AAK1: variants seen among roughly 807,000 people sequenced by gnomAD.
The protein encoded by AAK1 is AP2 associated kinase 1.
In AAK1, 37 loss-of-function variants were observed where a neutral mutation model predicts 116.0. The observed-to-expected ratio is 0.32, with a 90% confidence interval of 0.25 to 0.42. The LOEUF is 0.42. Among genes scored for constraint, AAK1 ranks in the 10% least tolerant of loss-of-function variants. The pLI, the probability that AAK1 is intolerant of heterozygous loss-of-function variation, is 1.00. For missense variants in AAK1, 919 were observed against 1,170.6 expected (o/e 0.79, Z 3.14); for synonymous variants, 458 against 439.9 (o/e 1.04, Z -0.51).
In AAK1 at chr2:69,470,951, C is replaced by A. The variant is rs1328462360; in HGVS notation, c.*4918G>T. On this transcript the variant is annotated 3_prime_UTR_variant, in exon 22 of 22. Transcript: ENST00000409085. ...TGAACAGATAAAAGTCTTTATTCCC[C>A]TGTATGTTTACATAAGAAAGTTCTT... is the stretch of plus-strand genomic sequence containing the variant. The A allele has an allele frequency of 1.0e-6, 1 of 985,722 alleles. No homozygotes were observed. Among genetic ancestry groups the A allele is most frequent in the African/African-American group, 1.7e-5 (1 of 57,232 alleles). The allele number at this position is 985,722 out of a possible 1,614,324, so 61.1% of individuals were successfully genotyped here. A position where few individuals can be genotyped will look rare whatever the true frequency, so the allele number is the denominator to read the frequency against.
rs200576219 is a variant in AAK1, at chr2:69,514,371, T to C, written c.1776+100A>G. 3,940 of 1,426,350 alleles carry C rather than the reference T, an allele frequency of 2.8e-3. 6 individuals carry two copies. The highest frequency in any genetic ancestry group is 3.4e-3 in the Non-Finnish European group (3,713 of 1,084,024). The allele number at this position is 1,426,350 out of a possible 1,614,324, so 88.4% of individuals were successfully genotyped here. The stretch of plus-strand genomic sequence containing the variant: ...GAACCACCCAGGTGGGAAAGCAACC[T>C]GGACCCTCATCAGCTGCTGCCATCT... On this transcript the variant is annotated intron_variant, in intron 13 of 21. Coordinates refer to ENST00000409085, the MANE Select transcript of AAK1 (RefSeq NM_014911.5).
At chr2:69,577,983 T>C (rs1050822607) in intron 2 of AAK1, among the ~76,000 whole-genome samples, 1 of 152,244 alleles carries the variant, frequency 6.6e-6, no homozygotes, top group Non-Finnish European at 1.5e-5. Context: ...CAACATGATC[T>C]GAGGTGGAAG....
Position 69,468,181 on chromosome 2 carries a change from CATCA to C in AAK1, c.*7684_*7687del. ...GTGCAGCTACATGGTGATACGAAAG[CATCA>C]GTCAGTGGACAGGAAATAAACAGAA... On this transcript the variant is annotated 3_prime_UTR_variant, in exon 22 of 22. Coordinates refer to ENST00000409085, the MANE Select transcript of AAK1 (RefSeq NM_014911.5). 1 of 985,382 alleles carries C rather than the reference CATCA, an allele frequency of 1.0e-6. No homozygotes were observed. Among genetic ancestry groups the C allele is most frequent in the Non-Finnish European group, 1.2e-6 (1 of 829,910 alleles). 61.0% of individuals were successfully genotyped at this position (985,382 alleles called of 1,614,324 possible).
At chr2:69,480,756 T>C in intron 19 of AAK1, 104 bp downstream of exon 19, 2 of 910,954 alleles carry the variant, frequency 2.2e-6, no homozygotes, top group Admixed American at 2.9e-5. Context: ...AGGAACTACC[T>C]GGGCTTCAAA....
Position 69,469,322 on chromosome 2 carries a change from G to A in AAK1, c.*6547C>T, listed in dbSNP as rs902156713. 3.1e-5 allele frequency: 31 copies of A among 985,300 alleles called. No individual in the cohort carries two copies. The highest frequency in any genetic ancestry group is 2.3e-4 in the South Asian group (5 of 21,288). 61.0% of individuals were successfully genotyped at this position (985,300 alleles called of 1,614,324 possible). ...TGGCAGCACCAGAAACAAGGTAGTCGAGAGAAGGATAAATTCCAAATATAC... is the reference window on the plus strand; with the variant it reads ...TGGCAGCACCAGAAACAAGGTAGTCAAGAGAAGGATAAATTCCAAATATAC... On this transcript the variant is annotated 3_prime_UTR_variant, in exon 22 of 22. Transcript: ENST00000409085.
Position 69,479,062 on chromosome 2 carries a change from C to T in AAK1, c.2570-1G>A, listed in dbSNP as rs1251902975. 1 of 1,603,702 alleles carries T rather than the reference C, an allele frequency of 6.2e-7. No homozygotes were observed. Among genetic ancestry groups the T allele is most frequent in the East Asian group, 2.2e-5 (1 of 44,820 alleles). On this transcript the variant is annotated splice_acceptor_variant, in intron 19 of 21. Coordinates refer to ENST00000409085, the MANE Select transcript of AAK1 (RefSeq NM_014911.5). LOFTEE classifies it high-confidence loss of function. The stretch of plus-strand genomic sequence containing the variant: ...AGGGAATCTTCCCCGGTGAGAGAAT[C>T]TGAGTCCAGATTAACAGCATCCCAG...
At position 69,468,094 on chromosome 2, in the gene AAK1, T is replaced by C. The variant is rs1160639228; in HGVS notation, c.*7775A>G. ...TACTGGTGCCAAATGGCTTTCAGAA[T>C]AGTATTTGAAGAATAAGATTTTGAA... On this transcript the variant is annotated 3_prime_UTR_variant, in exon 22 of 22. Coordinates refer to ENST00000409085, the MANE Select transcript of AAK1 (RefSeq NM_014911.5). The C allele has an allele frequency of 2.0e-6, 2 of 985,256 alleles. No individual in the cohort carries two copies. The highest frequency in any genetic ancestry group is 1.7e-5 in the African/African-American group (1 of 57,228). The allele number at this position is 985,256 out of a possible 1,614,324, so 61.0% of individuals were successfully genotyped here.
intron 2 of AAK1, among the ~76,000 whole-genome samples, chr2:69,584,782 C>T (rs1672692038): frequency 6.6e-6 from 1 of 152,196 alleles, no homozygotes; most frequent in Non-Finnish European, 1.5e-5. Flanking sequence ...CTCCCTCAAC[C>T]TTCAACCCCA....
chr2:69,499,366 G>A (rs958689701), intron 16 of AAK1, among the ~76,000 whole-genome samples: 2 of 152,056 alleles, frequency 1.3e-5, no homozygotes, highest in Non-Finnish European at 2.9e-5. Context: ...CATTCAAACC[G>A]TATTTCTCAG....
Position 69,483,251 on chromosome 2 carries a change from TAAC to T in AAK1, c.2366-442_2366-440del, listed in dbSNP as rs537493707. Among the ~76,000 whole-genome samples, 232 of 152,340 alleles carry T rather than the reference TAAC, an allele frequency of 1.5e-3. 2 individuals carry two copies. Among genetic ancestry groups the T allele is most frequent in the South Asian group, 9.5e-3 (46 of 4,826 alleles). ...GCCTTCCTCTCACCACAGACCCTGGTAACAACAGATCTGCTTTCTGTCCCTACA... is the reference window on the plus strand; with the variant it reads ...GCCTTCCTCTCACCACAGACCCTGGTAACAGATCTGCTTTCTGTCCCTACA... On this transcript the variant is annotated intron_variant, in intron 17 of 21. Transcript: ENST00000409085.
chr2:69,604,440 A>C lies in AAK1; in HGVS notation c.163+38438T>G, dbSNP rs1246011768. ...TGCTTTCATGCTTCTTCTCCTCTCC[A>C]ACTGTTTCTCTCCTCCTCTAGGGCA... On this transcript the variant is annotated intron_variant, in intron 2 of 21. Transcript: ENST00000409085. 8.5e-5 allele frequency among the ~76,000 whole-genome samples: 13 copies of C among 152,052 alleles called. No individual in the cohort carries two copies. In the East Asian group the frequency reaches 2.5e-3, roughly 29 times the overall value.
chr2:69,544,679 G>A (rs993654199), intron 3 of AAK1, 135 bp from the exon 4 acceptor site: 1 of 655,728 alleles, frequency 1.5e-6, no homozygotes, highest in African/African-American at 1.8e-5. Flanking sequence ...AAGGAGCAAA[G>A]TCAAGAACAG....
chr2:69,539,843 C>T (rs190657550), intron 5 of AAK1, among the ~76,000 whole-genome samples: 1 of 152,280 alleles, frequency 6.6e-6, no homozygotes, highest in African/African-American at 2.4e-5. Flanking sequence ...CCCACTTTTC[C>T]AGAAAATTCC....
At chr2:69,580,095 T>G (rs922251499) in intron 2 of AAK1, among the ~76,000 whole-genome samples, 9 of 152,316 alleles carry the variant, frequency 5.9e-5, no homozygotes, top group Non-Finnish European at 1.0e-4. Context: ...ATCTTGATGA[T>G]TTGTCTCCAT....
intron 5 of AAK1, among the ~76,000 whole-genome samples, chr2:69,541,772 T>C (rs1391853064): frequency 1.3e-5 from 2 of 152,138 alleles, no homozygotes; most frequent in African/African-American, 4.8e-5. Context: ...TTAACAAGCA[T>C]GCTAGGGGAT....
At chr2:69,606,439 A>T (rs1673799114) in intron 2 of AAK1, among the ~76,000 whole-genome samples, 2 of 152,232 alleles carry the variant, frequency 1.3e-5, no homozygotes. Flanking sequence ...TGAGACTTCC[A>T]GGCTAGTACC....
At chr2:69,559,929 C>G (rs1454820403) in intron 2 of AAK1, among the ~76,000 whole-genome samples, 3 of 152,156 alleles carry the variant, frequency 2.0e-5, no homozygotes, top group Non-Finnish European at 2.9e-5. Context: ...CCTTTACAGC[C>G]AGGACTGAAG....
Position 69,500,688 on chromosome 2 carries a change from T to TAC in AAK1, c.2270-4609_2270-4608insGT, listed in dbSNP as rs1395816083. Among the ~76,000 whole-genome samples the TAC allele has an allele frequency of 5.5e-3, 621 of 112,130 alleles. 2 individuals carry two copies. Among genetic ancestry groups the TAC allele is most frequent in the African/African-American group, 0.019 (494 of 25,420 alleles). 73.6% of individuals were successfully genotyped at this position (112,130 alleles called of 152,430 possible). A position where few individuals can be genotyped will look rare whatever the true frequency, so the allele number is the denominator to read the frequency against. ...AAATATATATATATATATATATATATATATATATATACACACACACACACA... is the reference window on the plus strand; with the variant it reads ...AAATATATATATATATATATATATATACATATATATATACACACACACACACA... On this transcript the variant is annotated intron_variant, in intron 16 of 21. Coordinates refer to ENST00000409085, the MANE Select transcript of AAK1 (RefSeq NM_014911.5).
rs979308879 is a variant in AAK1 at position 69,466,747 on chromosome 2, T to C, written c.*9122A>G. On this transcript the variant is annotated 3_prime_UTR_variant, in exon 22 of 22. Coordinates refer to ENST00000409085, the MANE Select transcript of AAK1 (RefSeq NM_014911.5). ...AACACAATCAACCACTGTCTCACGT[T>C]TTGGAACATGATAGGCACGACGTAC... 1.0e-6 allele frequency: 1 copy of C among 985,164 alleles called. No individual in the cohort carries two copies. Among genetic ancestry groups the C allele is most frequent in the Non-Finnish European group, 1.2e-6 (1 of 829,900 alleles). 61.0% of individuals were successfully genotyped at this position (985,164 alleles called of 1,614,324 possible).
Sources: gnomAD v4.1 joint callset for allele counts (sites outside exome capture counted in the v4.1 genomes callset) on GRCh38, gnomAD v4.1.1 for gene constraint, MANE v1.5 for transcripts, NCBI Gene and HGNC (gene_info 2026-07-23, HGNC 2026-07-21) for gene names.